DLG2: variants seen among roughly 807,000 people sequenced by gnomAD.
The protein encoded by DLG2 is discs large MAGUK scaffold protein 2, also known as disks large homolog 2.
DLG2 carries 45 observed loss-of-function variants against 132.5 expected under a neutral mutation model. That is an observed-to-expected ratio of 0.34 (90% CI 0.27 to 0.44). DLG2 has a LOEUF of 0.44. DLG2 is among the 20% of genes least tolerant of loss of function. The probability of loss-of-function intolerance (pLI) is 1.00; values close to 1 mark genes in which losing one functional copy is unlikely to be tolerated. For synonymous variants in DLG2, 424 were observed against 419.6 expected, an observed-to-expected ratio of 1.01 and a Z score of -0.13; for missense variants, 1,045 against 1,196.9, an observed-to-expected ratio of 0.87 and a Z score of 1.87.
chr11:85,273,760 T>A (rs773913716), intron 4 of DLG2, among the ~76,000 whole-genome samples: 27 of 152,226 alleles, frequency 1.8e-4, no homozygotes, highest in Non-Finnish European at 3.2e-4. Context: ...ACTGGGTATA[T>A]ACCCAAAGGA....
At chr11:85,220,952 T>A (rs1371372905) in intron 4 of DLG2, among the ~76,000 whole-genome samples, 1 of 152,122 alleles carries the variant, frequency 6.6e-6, no homozygotes, top group Non-Finnish European at 1.5e-5. Flanking sequence ...TTCAGTCTTG[T>A]CTAGATTTTC....
At chr11:85,516,163 CA>C (rs1217791025) in intron 3 of DLG2, among the ~76,000 whole-genome samples, 1 of 151,944 alleles carries the variant, frequency 6.6e-6, no homozygotes, top group Non-Finnish European at 1.5e-5. Flanking sequence ...CAAAAATATA[CA>C]AACACATGAA....
At chr11:85,456,220 T>C (rs1045360322) in intron 3 of DLG2, among the ~76,000 whole-genome samples, 3 of 152,194 alleles carry the variant, frequency 2.0e-5, no homozygotes, top group Non-Finnish European at 2.9e-5. Flanking sequence ...CAGGAATTTA[T>C]CCATTTCTTT....
intron 15 of DLG2, among the ~76,000 whole-genome samples, chr11:83,926,804 T>C (rs2079060496): frequency 6.6e-6 from 1 of 152,114 alleles, no homozygotes; most frequent in African/African-American, 2.4e-5. Flanking sequence ...ACACAGGTGA[T>C]GGTGTCAAAA....
chr11:84,086,566 T>G (rs2096985805), intron 10 of DLG2, among the ~76,000 whole-genome samples: 1 of 151,336 alleles, frequency 6.6e-6, no homozygotes, highest in South Asian at 2.1e-4. Context: ...CATGGCTCAC[T>G]GCAGCCTTAA....
At chr11:84,974,220 C>A (rs544640044) in intron 6 of DLG2, among the ~76,000 whole-genome samples, 16 of 152,226 alleles carry the variant, frequency 1.1e-4, no homozygotes, top group African/African-American at 2.9e-4. Context: ...TATAGGTGTT[C>A]CTTTTCTGTT....
At chr11:83,539,041 C>G (rs758206636) in intron 20 of DLG2, among the ~76,000 whole-genome samples, 5 of 152,178 alleles carry the variant, frequency 3.3e-5, no homozygotes, top group Non-Finnish European at 7.3e-5. Context: ...CTCTCTGTGC[C>G]TCAATCTCCT....
At chr11:84,032,606 T>A (rs956549973) in intron 11 of DLG2, among the ~76,000 whole-genome samples, 4 of 152,166 alleles carry the variant, frequency 2.6e-5, no homozygotes, top group Admixed American at 6.5e-5. Context: ...TTGCAGCAAG[T>A]TATCCAGAAG....
intron 6 of DLG2, among the ~76,000 whole-genome samples, chr11:84,944,180 G>C (rs2049877169): frequency 6.6e-6 from 1 of 152,062 alleles, no homozygotes. Flanking sequence ...ACCTTTGGGA[G>C]TTTGATTATT....
intron 6 of DLG2, among the ~76,000 whole-genome samples, chr11:85,051,856 C>T (rs1355325509): frequency 1.3e-5 from 2 of 152,100 alleles, no homozygotes; most frequent in African/African-American, 4.8e-5. Flanking sequence ...TGGCACAAAA[C>T]ACGCACCTAG....
chr11:85,448,872 G>A (rs1053369518), intron 3 of DLG2, among the ~76,000 whole-genome samples: 1 of 151,976 alleles, frequency 6.6e-6, no homozygotes, highest in African/African-American at 2.4e-5. Context: ...ATTTAAAGTA[G>A]TTCCCATTCT....
intron 16 of DLG2, among the ~76,000 whole-genome samples, chr11:83,857,674 A>C (rs2060761780): frequency 6.6e-6 from 1 of 152,212 alleles, no homozygotes; most frequent in Non-Finnish European, 1.5e-5. Context: ...AATGTAAGCT[A>C]TGGACCCTGG....
chr11:85,267,013 T>G (rs1221120886), intron 4 of DLG2, among the ~76,000 whole-genome samples: 1 of 152,180 alleles, frequency 6.6e-6, no homozygotes, highest in African/African-American at 2.4e-5. Context: ...CCCACAAAAT[T>G]TTGCATCCAT....
chr11:85,449,324 C>T (rs2092140497), intron 3 of DLG2, among the ~76,000 whole-genome samples: 1 of 151,966 alleles, frequency 6.6e-6, no homozygotes, highest in Non-Finnish European at 1.5e-5. Flanking sequence ...TTCTAATGTC[C>T]ATGTCTTTTA....
At chr11:85,375,362 C>A (rs1257946351) in intron 3 of DLG2, among the ~76,000 whole-genome samples, 1 of 152,088 alleles carries the variant, frequency 6.6e-6, no homozygotes, top group Admixed American at 6.6e-5. Flanking sequence ...CCTAATCAAC[C>A]AGATCAAACA....
chr11:84,169,846 C>A (rs1159476853), intron 8 of DLG2, among the ~76,000 whole-genome samples: 1 of 149,990 alleles, frequency 6.7e-6, no homozygotes, highest in Non-Finnish European at 1.5e-5. Context: ...GCACTTCAGC[C>A]TGGGCAACAG....
At chr11:85,297,872 G>A (rs563214702) in intron 3 of DLG2, among the ~76,000 whole-genome samples, 1 of 152,250 alleles carries the variant, frequency 6.6e-6, no homozygotes, top group South Asian at 2.1e-4. Context: ...AGACAGGTAG[G>A]CTAATATGGG....
chr11:84,651,583 G>A (rs2099682134), intron 6 of DLG2, among the ~76,000 whole-genome samples: 1 of 152,162 alleles, frequency 6.6e-6, no homozygotes, highest in African/African-American at 2.4e-5. Context: ...GCTTGAGATG[G>A]TCACAGGTTG....
chr11:85,397,152 C>A (rs1327735401), intron 3 of DLG2, among the ~76,000 whole-genome samples: 1 of 152,148 alleles, frequency 6.6e-6, no homozygotes, highest in African/African-American at 2.4e-5. Context: ...GAGTTTTCAA[C>A]CCAGAATTTC....
Sources: gnomAD v4.1 joint callset for allele counts (sites outside exome capture counted in the v4.1 genomes callset) on GRCh38, gnomAD v4.1.1 for gene constraint, MANE v1.5 for transcripts, NCBI Gene and HGNC (gene_info 2026-07-23, HGNC 2026-07-21) for gene names.